The following RELN variants were observed in gnomAD, a reference collection of about 807,000 sequenced individuals.
RELN encodes the protein reelin.
Under a neutral mutation model 427.6 loss-of-function variants are expected in RELN, and 108 were observed. The observed-to-expected ratio is 0.25, with a 90% CI of 0.22 to 0.30. RELN has a LOEUF of 0.30. RELN is among the 10% of genes least tolerant of loss of function. RELN has a pLI of 1.00. For missense variants in RELN, 3,715 were observed against 4,302.8 expected (o/e 0.86, Z 3.82); for synonymous variants, 1,524 against 1,513.4 (o/e 1.01, Z -0.16).
intron 2 of RELN, among the ~76,000 whole-genome samples, chr7:103,891,571 TCTC>T (rs1794850564): frequency 6.6e-6 from 1 of 152,038 alleles, no homozygotes; most frequent in African/African-American, 2.4e-5. Flanking sequence ...CTAGTTCCCT[TCTC>T]CTCTACTCCA....
At chr7:103,981,591 T>C (rs1256723084) in intron 1 of RELN, among the ~76,000 whole-genome samples, 3 of 152,218 alleles carry the variant, frequency 2.0e-5, no homozygotes, top group Admixed American at 2.0e-4. Context: ...TACATATTAA[T>C]TAGGATTGCA....
chr7:103,661,529 T>TAAA lies in RELN; in HGVS notation c.1290-5_1290-3dup, dbSNP rs146986040. On this transcript the variant is annotated splice_region_variant and splice_polypyrimidine_tract_variant and intron_variant, in intron 11 of 64. Coordinates refer to ENST00000428762, the MANE Select transcript of RELN (RefSeq NM_005045.4). ...ATGACAGCTCCCAAGACATCCCATC[T>TAAA]AAAAAAAAAGGGGGATTAAGAGTTA... The TAAA allele has an allele frequency of 1.7e-5, 27 of 1,588,234 alleles. No homozygotes were observed. Among genetic ancestry groups the TAAA allele is most frequent in the Non-Finnish European group, 2.2e-5 (26 of 1,162,674 alleles).
chr7:103,572,085 G>A, intron 31 of RELN, 99 bp downstream of exon 31: 1 of 746,992 alleles, frequency 1.3e-6, no homozygotes. Context: ...ATGATTCAGG[G>A]TAATGTATCA....
Position 103,661,547 on chromosome 7 carries a change from A to G in RELN, c.1290-20T>C. The G allele has an allele frequency of 6.2e-7, 1 of 1,611,820 alleles. No homozygotes were observed. Among genetic ancestry groups the G allele is most frequent in the Non-Finnish European group, 8.5e-7 (1 of 1,178,456 alleles). On this transcript the variant is annotated intron_variant, in intron 11 of 64. Coordinates refer to ENST00000428762, the MANE Select transcript of RELN (RefSeq NM_005045.4). ...TCCCATCTAAAAAAAAAGGGGGATT[A>G]AGAGTTAGAGTTAGAATATTAAGCC...
At position 103,813,956 on chromosome 7, in the gene RELN, C is replaced by T. The variant is rs547020019; in HGVS notation, c.473+19581G>A. ...TCAATTTATTAACCATTTCCATATT[C>T]ATGGACCCCACATGACGGTATTTTT... is the stretch of plus-strand genomic sequence containing the variant. On this transcript the variant is annotated intron_variant, in intron 3 of 64. Coordinates refer to ENST00000428762, the MANE Select transcript of RELN (RefSeq NM_005045.4). Among the ~76,000 whole-genome samples, 44 of 152,206 alleles carry T rather than the reference C, an allele frequency of 2.9e-4. 1 individual carries two copies. The highest frequency in any genetic ancestry group is 9.9e-4 in the African/African-American group (41 of 41,548).
At chr7:103,926,748 C>A (rs930453301) in intron 1 of RELN, among the ~76,000 whole-genome samples, 1 of 149,932 alleles carries the variant, frequency 6.7e-6, no homozygotes, top group African/African-American at 2.4e-5. Context: ...GGGTTCACGC[C>A]ATTTTCCTGC....
chr7:103,909,461 A>C (rs927018710), intron 2 of RELN, among the ~76,000 whole-genome samples: 73 of 150,760 alleles, frequency 4.8e-4, no homozygotes, highest in African/African-American at 1.8e-3. Context: ...GATTTACTAA[A>C]GTTTGAAGTT....
chr7:103,793,448 A>G (rs148179474), intron 3 of RELN, among the ~76,000 whole-genome samples: 1 of 152,256 alleles, frequency 6.6e-6, no homozygotes, highest in Non-Finnish European at 1.5e-5. Context: ...CTCACCTAGA[A>G]ATACACTCCC....
At chr7:103,512,678 T>C (rs1480509689) in intron 50 of RELN, 2 of 152,236 alleles carry the variant, frequency 1.3e-5, no homozygotes, top group African/African-American at 2.4e-5. Flanking sequence ...GAAGAGATGA[T>C]TTTACATTAA....
chr7:103,746,017 T>C (rs1790815577), intron 6 of RELN, among the ~76,000 whole-genome samples: 1 of 152,020 alleles, frequency 6.6e-6, no homozygotes, highest in South Asian at 2.1e-4. Context: ...CTTCAAACTA[T>C]ACTACAAGGC....
intron 10 of RELN, among the ~76,000 whole-genome samples, chr7:103,684,695 T>C (rs1833726984): frequency 6.6e-6 from 1 of 152,288 alleles, no homozygotes; most frequent in South Asian, 2.1e-4. Context: ...TTTCTCAGGT[T>C]GTAGAATGGA....
chr7:103,898,039 C>T (rs547628701), intron 2 of RELN, among the ~76,000 whole-genome samples: 12 of 152,148 alleles, frequency 7.9e-5, no homozygotes, highest in African/African-American at 2.6e-4. Context: ...AATTTATTAA[C>T]TGACTCAATG....
intron 12 of RELN, 118 bp from the exon 13 acceptor site, chr7:103,654,323 A>AACTT (rs1350870716): frequency 1.5e-6 from 1 of 687,570 alleles, no homozygotes; most frequent in Non-Finnish European, 2.7e-6. Flanking sequence ...ACTTAAGAAT[A>AACTT]ACCCTAAACA....
At chr7:103,507,320 A>G (rs1294739952) in intron 51 of RELN, among the ~76,000 whole-genome samples, 4 of 152,236 alleles carry the variant, frequency 2.6e-5, no homozygotes, top group Non-Finnish European at 5.9e-5. Flanking sequence ...AGCGGAAATC[A>G]TAACAAACTG....
intron 1 of RELN, among the ~76,000 whole-genome samples, chr7:103,920,321 G>C (rs1011843402): frequency 6.6e-6 from 1 of 151,990 alleles, no homozygotes; most frequent in Admixed American, 6.6e-5. Flanking sequence ...TTTTATATTC[G>C]AACTACTTTT....
Position 103,652,580 on chromosome 7 carries a change from C to A in RELN, c.1734G>T (p.Leu578=). The A allele has an allele frequency of 6.2e-7, 1 of 1,612,726 alleles. No homozygotes were observed. The highest frequency in any genetic ancestry group is 8.5e-7 in the Non-Finnish European group (1 of 1,179,220). Residue 578 remains leucine (L), a synonymous_variant, in exon 14 of 65, where the codon CTG becomes CTT. Coordinates refer to ENST00000428762, the MANE Select transcript of RELN (RefSeq NM_005045.4). ...MSHMIQFSIN[L]GCGTHQPGNS... is the part of the protein sequence containing the mutation. ...TACCAGGCTGATGCGTTCCACATCC[C>A]AGATTGATGGAAAACTGTATCATGT...
In RELN at chr7:103,500,824, TGGCCCCTGCAGTTGTCCAAGCATCCAG is replaced by T; in HGVS notation, c.8561_8587del (p.Pro2854_Gly2862del). On this transcript the variant is annotated inframe_deletion, in exon 53 of 65. Coordinates refer to ENST00000428762, the MANE Select transcript of RELN (RefSeq NM_005045.4). ...GCACTGTTCCCTTAAGCAATCTCCA[TGGCCCCTGCAGTTGTCCAAGCATCCAG>T]GGCCCAGGTAGAAATTATCGATTGC... 6.2e-7 allele frequency: 1 copy of T among 1,614,178 alleles called. No individual in the cohort carries two copies. Among genetic ancestry groups the T allele is most frequent in the Non-Finnish European group, 8.5e-7 (1 of 1,180,022 alleles).
intron 3 of RELN, among the ~76,000 whole-genome samples, chr7:103,778,470 A>C (rs978000437): frequency 3.9e-5 from 6 of 152,148 alleles, no homozygotes; most frequent in Non-Finnish European, 8.8e-5. Context: ...TTCCTATCAT[A>C]ATATTTCTTA....
chr7:103,724,280 G>A (rs74884899), intron 7 of RELN, among the ~76,000 whole-genome samples: 3,404 of 151,794 alleles, frequency 0.022, 140 homozygotes, highest in African/African-American at 0.078. Flanking sequence ...CACTTTGTTA[G>A]CCCTTATATG....
Sources: gnomAD v4.1 joint callset for allele counts (sites outside exome capture counted in the v4.1 genomes callset) on GRCh38, gnomAD v4.1.1 for gene constraint, MANE v1.5 for transcripts, NCBI Gene and HGNC (gene_info 2026-07-23, HGNC 2026-07-21) for gene names.